ABI1: variants seen among roughly 807,000 people sequenced by gnomAD.
The protein encoded by ABI1 is Abelson interactor 1.
A neutral mutation model predicts 54.6 loss-of-function variants in ABI1; 14 were observed. The ratio of observed to expected loss-of-function variants is 0.26; its 90% CI spans 0.17 to 0.40. The LOEUF (loss-of-function observed/expected upper bound fraction) is 0.40, where lower values mean the gene tolerates loss of function less well. Among genes scored for constraint, ABI1 ranks in the 10% least tolerant of loss-of-function variants. The probability of loss-of-function intolerance (pLI) is 1.00; values close to 1 mark genes in which losing one functional copy is unlikely to be tolerated. For synonymous variants in ABI1, 194 were observed against 209.3 expected (o/e 0.93, Z 0.63); for missense variants, 443 against 598.3 (o/e 0.74, Z 2.71).
In ABI1 at chr10:26,833,134, T is replaced by C. The variant is rs537794295; in HGVS notation, c.118-9829A>G. ...AACTACTAAGAGGTCTGGAAGCCCA[T>C]TCATTCCCAGCAACATCTAGGGAAG... On this transcript the variant is annotated intron_variant, in intron 1 of 10. Coordinates refer to ENST00000376140, the MANE Select transcript of ABI1 (RefSeq NM_001012750.3). Among the ~76,000 whole-genome samples the C allele has an allele frequency of 7.9e-5, 12 of 152,286 alleles. No individual in the cohort carries two copies. In the Middle Eastern group the frequency reaches 0.01, roughly 129 times the overall value.
chr10:26,780,177 T>A (rs1841923132), intron 2 of ABI1, among the ~76,000 whole-genome samples: 1 of 152,144 alleles, frequency 6.6e-6, no homozygotes, highest in African/African-American at 2.4e-5. Context: ...AAAGCTATAG[T>A]TGTTCGATCA....
chr10:26,798,742 T>A (rs2046360471), intron 2 of ABI1, among the ~76,000 whole-genome samples: 1 of 151,758 alleles, frequency 6.6e-6, no homozygotes, highest in Non-Finnish European at 1.5e-5. Context: ...TCAAAAAGTA[T>A]AAATAGTCCT....
At position 26,834,548 on chromosome 10, in the gene ABI1, AACACACACACAC is replaced by A. The variant is rs571268846; in HGVS notation, c.118-11255_118-11244del. On this transcript the variant is annotated intron_variant, in intron 1 of 10. Coordinates refer to ENST00000376140, the MANE Select transcript of ABI1 (RefSeq NM_001012750.3). ...GACAGATACTTCTCAAGACATACAA[AACACACACACAC>A]ACACACACACACACACACACACACA... 3.7e-3 allele frequency among the ~76,000 whole-genome samples: 510 copies of A among 138,626 alleles called. 7 individuals are homozygous for A. Among genetic ancestry groups the A allele is most frequent in the Admixed American group, 0.021 (292 of 13,916 alleles). The allele number at this position is 138,626 out of a possible 152,430, so 90.9% of individuals were successfully genotyped here.
At chr10:26,774,040 C>A (rs1229662481) in intron 3 of ABI1, among the ~76,000 whole-genome samples, 1 of 152,100 alleles carries the variant, frequency 6.6e-6, no homozygotes, top group Non-Finnish European at 1.5e-5. Flanking sequence ...AGGCTTGGTT[C>A]CAGGACCCCC....
At chr10:26,773,253 G>A (rs1030489987) in intron 3 of ABI1, among the ~76,000 whole-genome samples, 1 of 95,024 alleles carries the variant, frequency 1.1e-5, no homozygotes, top group African/African-American at 4.3e-5. Context: ...CCAGGATGGA[G>A]TGCAGTGGCT....
chr10:26,805,759 T>G (rs1292348335), intron 2 of ABI1, among the ~76,000 whole-genome samples: 1 of 152,220 alleles, frequency 6.6e-6, no homozygotes, highest in East Asian at 1.9e-4. Context: ...GGAAGACTGA[T>G]GCTTATTTCT....
intron 7 of ABI1, among the ~76,000 whole-genome samples, chr10:26,761,659 T>C (rs183038604): frequency 0.018 from 1,584 of 88,004 alleles, 67 homozygotes; most frequent in African/African-American, 0.053. Flanking sequence ...TATATATATA[T>C]ATACACACAC....
intron 9 of ABI1, among the ~76,000 whole-genome samples, chr10:26,754,977 C>T (rs899841091): frequency 1.3e-5 from 2 of 151,990 alleles, no homozygotes; most frequent in African/African-American, 2.4e-5. Context: ...GAACTTCATT[C>T]GAGAGAAGAT....
intron 2 of ABI1, among the ~76,000 whole-genome samples, chr10:26,782,704 AGAGT>A (rs1842264829): frequency 6.8e-6 from 1 of 146,346 alleles, no homozygotes; most frequent in Admixed American, 6.9e-5. Context: ...GCCTGGCGAC[AGAGT>A]GAGACTCTGT....
intron 2 of ABI1, among the ~76,000 whole-genome samples, chr10:26,781,990 C>T (rs1007783508): frequency 6.6e-6 from 1 of 152,140 alleles, no homozygotes; most frequent in Non-Finnish European, 1.5e-5. Flanking sequence ...ACTTATGAGT[C>T]CTGGAAAAGG....
At chr10:26,756,681 T>A (rs1037576554) in intron 8 of ABI1, among the ~76,000 whole-genome samples, 1 of 152,162 alleles carries the variant, frequency 6.6e-6, no homozygotes, top group African/African-American at 2.4e-5. Flanking sequence ...TGTCTCACTT[T>A]AACAAGACAG....
At chr10:26,771,120 A>G (rs759956915) in intron 3 of ABI1, 31 bp from the exon 4 acceptor site, 10 of 1,612,454 alleles carry the variant, frequency 6.2e-6, no homozygotes, top group East Asian at 2.2e-5. Context: ...GGGGGGAAAA[A>G]GTAGACATTA....
At chr10:26,778,993 T>C (rs115999298) in intron 2 of ABI1, among the ~76,000 whole-genome samples, 3,451 of 152,272 alleles carry the variant, frequency 0.023, 95 homozygotes, top group African/African-American at 0.073. Context: ...GCTACTACTA[T>C]TGCCATGAGT....
intron 8 of ABI1, among the ~76,000 whole-genome samples, chr10:26,758,229 T>C (rs536179468): frequency 4.7e-4 from 71 of 152,274 alleles, no homozygotes; most frequent in African/African-American, 1.7e-3. Flanking sequence ...AAATAACATG[T>C]GGCTCTAGAA....
chr10:26,763,962 T>C, intron 7 of ABI1: 1 of 1,608,632 alleles, frequency 6.2e-7, no homozygotes, highest in Non-Finnish European at 8.5e-7. Context: ...AAATGTTTTC[T>C]AATAAAATAG....
chr10:26,770,254 C>T lies in ABI1; in HGVS notation c.569G>A (p.Gly190Glu). ...KPPSPPMSGR[G>E]TLGRNTPYKT... ...GTAGTTGAATTCTTACCCCAGTGTT[C>T]CCCGGCCTGACATGGGAGGACTTGG... The change falls in exon 5 of 11, where the codon GGA becomes GAA. Residue 190 changes from glycine (G) to glutamate (E), a missense_variant. Transcript: ENST00000376140. The T allele has an allele frequency of 6.2e-7, 1 of 1,613,590 alleles. No individual in the cohort carries two copies. Among genetic ancestry groups the T allele is most frequent in the Non-Finnish European group, 8.5e-7 (1 of 1,179,540 alleles).
At chr10:26,857,095 AG>A (rs1276442393) in intron 1 of ABI1, among the ~76,000 whole-genome samples, 1 of 152,050 alleles carries the variant, frequency 6.6e-6, no homozygotes, top group Non-Finnish European at 1.5e-5. Context: ...CGAGGAGGGC[AG>A]ATCACCTAAG....
chr10:26,848,604 GC>G (rs2050165053), intron 1 of ABI1, among the ~76,000 whole-genome samples: 1 of 123,462 alleles, frequency 8.1e-6, no homozygotes, highest in African/African-American at 3.5e-5. Context: ...ATAAGAAGAG[GC>G]TTTTTTTTTT....
At chr10:26,858,329 TC>T (rs886266648) in intron 1 of ABI1, among the ~76,000 whole-genome samples, 24 of 151,936 alleles carry the variant, frequency 1.6e-4, no homozygotes, top group Non-Finnish European at 7.4e-5. Flanking sequence ...CACATCAACT[TC>T]CACATCACTT....
Sources: gnomAD v4.1 joint callset for allele counts (sites outside exome capture counted in the v4.1 genomes callset) on GRCh38, gnomAD v4.1.1 for gene constraint, MANE v1.5 for transcripts, NCBI Gene and HGNC (gene_info 2026-07-23, HGNC 2026-07-21) for gene names.